Variants in TEX9 observed in about 807,000 individuals in gnomAD.
TEX9 encodes the protein testis-expressed protein 9.
Under a neutral mutation model 59.6 loss-of-function variants are expected in TEX9, and 74 were observed. The ratio of observed to expected loss-of-function variants is 1.24; its 90% confidence interval spans 1.03 to 1.51. The LOEUF (loss-of-function observed/expected upper bound fraction) is 1.51. TEX9 is among the 40% of genes most tolerant of loss of function. The probability of loss-of-function intolerance (pLI) is 0.00; values close to 1 mark genes in which losing one functional copy is unlikely to be tolerated. For synonymous variants in TEX9, 186 were observed against 152.2 expected (o/e 1.22, Z -1.64); for missense variants, 522 against 447.8 (o/e 1.17, Z -1.49).
chr15:56,272,042 G>T (rs1161090507), intron 1 of TEX9, among the ~76,000 whole-genome samples: 2 of 152,018 alleles, frequency 1.3e-5, no homozygotes, highest in Admixed American at 6.5e-5. Context: ...TACTCGGGAG[G>T]CTGAGGCAGG....
At chr15:56,369,938 T>A (rs1428829795) in intron 2 of TEX9, among the ~76,000 whole-genome samples, 1 of 150,578 alleles carries the variant, frequency 6.6e-6, no homozygotes, top group East Asian at 2.0e-4. Flanking sequence ...CTTGTTTGAC[T>A]TATTTAAATC....
rs1362703205 is a variant in TEX9, at chr15:56,412,549, C to T, written c.963+113C>T. 11 of 1,186,974 alleles carry T rather than the reference C, an allele frequency of 9.3e-6. No individual in the cohort carries two copies. The East Asian group carries it at 2.8e-4, about 30-fold the overall frequency. The allele number at this position is 1,186,974 out of a possible 1,614,324, so 73.5% of individuals were successfully genotyped here. ...ATTCTTGATGTCATGCTGAACATTT[C>T]TCTTTTCAGAAGAAATATATTCATT... On this transcript the variant is annotated intron_variant, in intron 10 of 12. Transcript: ENST00000352903.
chr15:56,398,944 T>C (rs1006556325), intron 9 of TEX9, among the ~76,000 whole-genome samples: 3 of 152,150 alleles, frequency 2.0e-5, no homozygotes, highest in Non-Finnish European at 2.9e-5. Flanking sequence ...CCATCCTGGC[T>C]AACATGGTGA....
the TEX9 span, among the ~76,000 whole-genome samples, chr15:56,457,267 C>T: frequency 6.6e-6 from 1 of 152,024 alleles, no homozygotes; most frequent in African/African-American, 2.4e-5. Context: ...TTTTATATTT[C>T]CTGTAAAAAT....
chr15:56,439,751 TA>T (rs374476223), intron 12 of TEX9, among the ~76,000 whole-genome samples: 4,708 of 82,436 alleles, frequency 0.057, 173 homozygotes, highest in African/African-American at 0.15. Context: ...TGGAAAAGCA[TA>T]AAAAAAAAAA....
intron 1 of TEX9, among the ~76,000 whole-genome samples, chr15:56,344,479 A>C (rs1459335207): frequency 6.6e-6 from 1 of 152,162 alleles, no homozygotes; most frequent in Admixed American, 6.5e-5. Flanking sequence ...CCATAGAGAC[A>C]GAAATTAGTG....
In TEX9 at chr15:56,391,539, A is replaced by AT. The variant is rs1273754188; in HGVS notation, c.571+123dup. ...TTGTGATGTCTTGGTTTGTTTCAGAATTATCTAGTAGGATGTGGTGGAGGG... is the reference window on the plus strand; with the variant it reads ...TTGTGATGTCTTGGTTTGTTTCAGAATTTATCTAGTAGGATGTGGTGGAGGG... On this transcript the variant is annotated intron_variant, in intron 7 of 12. Transcript: ENST00000352903. The AT allele has an allele frequency of 2.3e-5, 15 of 639,674 alleles. No individual in the cohort carries two copies. The Admixed American group carries it at 4.6e-4, about 20-fold the overall frequency. The allele number at this position is 639,674 out of a possible 1,614,324, so 39.6% of individuals were successfully genotyped here.
chr15:56,438,039 C>T (rs1244398418), intron 12 of TEX9, among the ~76,000 whole-genome samples: 5 of 152,148 alleles, frequency 3.3e-5, no homozygotes, highest in Admixed American at 2.6e-4. Context: ...GGCCATACTG[C>T]CCAAGGTAAT....
At chr15:56,394,952 A>C in intron 9 of TEX9, 118 bp downstream of exon 9, 1 of 978,856 alleles carries the variant, frequency 1.0e-6, no homozygotes, top group Non-Finnish European at 1.5e-6. Flanking sequence ...TTTACTGAAA[A>C]CTCTTTCCCC....
At chr15:56,405,662 A>G (rs1417076497) in intron 9 of TEX9, among the ~76,000 whole-genome samples, 1 of 152,014 alleles carries the variant, frequency 6.6e-6, no homozygotes, top group African/African-American at 2.4e-5. Context: ...AATAATTCTC[A>G]TGGGTTATGT....
chr15:56,396,993 G>T (rs2048513704), intron 9 of TEX9: 1 of 152,276 alleles, frequency 6.6e-6, no homozygotes. Context: ...ACCAAAAAGT[G>T]TTGAAGTGAC....
At chr15:56,267,644 G>A (rs185771198) in intron 1 of TEX9, among the ~76,000 whole-genome samples, 25 of 152,288 alleles carry the variant, frequency 1.6e-4, no homozygotes, top group Non-Finnish European at 4.4e-5. Flanking sequence ...TTGTAGATGT[G>A]TGGTGTTATT....
chr15:56,423,119 A>G (rs1266851475), intron 10 of TEX9, among the ~76,000 whole-genome samples: 1 of 152,168 alleles, frequency 6.6e-6, no homozygotes, highest in Non-Finnish European at 1.5e-5. Context: ...GGGTATACAG[A>G]TATCAATGTC....
At chr15:56,363,252 C>CACT (rs1290500326), upstream of TEX9, among the ~76,000 whole-genome samples, 4 of 151,658 alleles carry the variant, frequency 2.6e-5, no homozygotes, top group African/African-American at 9.7e-5. Context: ...TCCTCCTCTA[C>CACT]ACGTTATTGT....
chr15:56,268,785 T>C (rs2044452297), intron 1 of TEX9, among the ~76,000 whole-genome samples: 1 of 152,216 alleles, frequency 6.6e-6, no homozygotes, highest in Non-Finnish European at 1.5e-5. Flanking sequence ...TCTAAAATTC[T>C]CTTTTTTTGT....
At position 56,295,914 on chromosome 15, in the gene TEX9, G is replaced by A. The variant is rs1217482153; in HGVS notation, c.-107+51636G>A. The stretch of plus-strand genomic sequence containing the variant: ...TGAATCTTTTTTCCTATAAACCAAA[G>A]GCTTTGTTACGCTTCTGCTCCTAAA... On this transcript the variant is annotated intron_variant, in intron 1 of 5. Coordinates refer to the TEX9 transcript ENST00000560827. Among the ~76,000 whole-genome samples the A allele has an allele frequency of 2.0e-5, 3 of 152,148 alleles. No homozygotes were observed. The East Asian group carries it at 5.8e-4, about 29-fold the overall frequency.
intron 2 of TEX9, among the ~76,000 whole-genome samples, chr15:56,372,261 A>G (rs531411563): frequency 5.3e-5 from 8 of 152,294 alleles, no homozygotes; most frequent in Admixed American, 6.5e-5. Context: ...TAATCCTAAG[A>G]TATAAAAATA....
intron 1 of TEX9, among the ~76,000 whole-genome samples, chr15:56,359,898 G>C (rs771823001): frequency 9.2e-5 from 14 of 152,094 alleles, no homozygotes; most frequent in Non-Finnish European, 1.9e-4. Flanking sequence ...ATCAACTTGA[G>C]GATATTTCCC....
intron 1 of TEX9, among the ~76,000 whole-genome samples, chr15:56,308,389 T>G (rs1222274760): frequency 6.6e-6 from 1 of 152,182 alleles, no homozygotes; most frequent in Non-Finnish European, 1.5e-5. Context: ...ATTCCAATCC[T>G]TTGCCCATTC....
Sources: allele counts gnomAD v4.1 joint callset (sites outside exome capture counted in the v4.1 genomes callset), GRCh38; gene constraint gnomAD v4.1.1; transcripts MANE v1.5; gene names NCBI Gene and HGNC (gene_info 2026-07-23, HGNC 2026-07-21).